RARB: variants seen among roughly 807,000 people sequenced by gnomAD.
The protein encoded by RARB is retinoic acid receptor beta.
In RARB, 17 loss-of-function variants were observed where a neutral mutation model predicts 51.9. The ratio of observed to expected loss-of-function variants is 0.33; its 90% CI spans 0.22 to 0.49. The LOEUF (loss-of-function observed/expected upper bound fraction) is 0.49. Among genes scored for constraint, RARB ranks in the 20% least tolerant of loss-of-function variants. RARB has a pLI of 0.99. For synonymous variants in RARB, 215 were observed against 195.4 expected (o/e 1.10, Z -0.84); for missense variants, 369 against 550.8 (o/e 0.67, Z 3.30).
intron 2 of RARB, among the ~76,000 whole-genome samples, chr3:25,484,339 G>A (rs776507598): frequency 1.2e-4 from 19 of 152,068 alleles, no homozygotes; most frequent in South Asian, 2.1e-4. Context: ...CATTTTTTCT[G>A]TAGTACATCA....
chr3:25,146,629 T>TC (rs1700198349), intron 4 of RARB, among the ~76,000 whole-genome samples: 1 of 150,774 alleles, frequency 6.6e-6, no homozygotes, highest in Admixed American at 6.7e-5. Context: ...TGCCTCAGCC[T>TC]CCCCAGTAGC....
chr3:25,379,183 G>A (rs995242768), intron 5 of RARB, among the ~76,000 whole-genome samples: 19 of 152,106 alleles, frequency 1.2e-4, no homozygotes, highest in Admixed American at 3.3e-4. Context: ...AGCATCACAC[G>A]TTGACAGGTA....
intron 3 of RARB, among the ~76,000 whole-genome samples, chr3:25,562,590 T>C (rs1242832788): frequency 6.6e-6 from 1 of 152,240 alleles, no homozygotes; most frequent in Admixed American, 6.5e-5. Flanking sequence ...CTACTCACTG[T>C]TGAGTTCCTA....
At chr3:24,975,942 C>A (rs1696502183) in intron 2 of RARB, among the ~76,000 whole-genome samples, 1 of 152,176 alleles carries the variant, frequency 6.6e-6, no homozygotes, top group South Asian at 2.1e-4. Flanking sequence ...ACAACAGGCC[C>A]CAGTGTGGGG....
chr3:25,379,901 T>G (rs1238409444), intron 5 of RARB, among the ~76,000 whole-genome samples: 1 of 152,100 alleles, frequency 6.6e-6, no homozygotes, highest in Non-Finnish European at 1.5e-5. Context: ...ATATAGCCCC[T>G]CAGATAACTT....
intron 5 of RARB, among the ~76,000 whole-genome samples, chr3:25,409,192 G>C (rs2125499521): frequency 6.6e-6 from 1 of 152,206 alleles, no homozygotes. Context: ...CTTAATACCA[G>C]AGAAAAATGT....
intron 4 of RARB, among the ~76,000 whole-genome samples, chr3:25,170,255 C>T (rs1160522138): frequency 6.6e-6 from 1 of 152,148 alleles, no homozygotes; most frequent in Non-Finnish European, 1.5e-5. Flanking sequence ...GAGAGTTTAG[C>T]AGTAGTGACA....
intron 5 of RARB, among the ~76,000 whole-genome samples, chr3:25,307,735 A>C (rs1340077277): frequency 1.3e-5 from 2 of 152,194 alleles, no homozygotes; most frequent in Non-Finnish European, 2.9e-5. Flanking sequence ...AGGACGAGGC[A>C]CACAGAGGGT....
chr3:25,036,291 T>C (rs574887576), intron 2 of RARB, among the ~76,000 whole-genome samples: 2 of 152,252 alleles, frequency 1.3e-5, no homozygotes, highest in African/African-American at 4.8e-5. Context: ...AGAGCTGTTA[T>C]GAAACTCTCA....
chr3:25,528,192 T>A (rs2125640051), intron 3 of RARB, among the ~76,000 whole-genome samples: 1 of 152,268 alleles, frequency 6.6e-6, no homozygotes, highest in Admixed American at 6.5e-5. Flanking sequence ...ACCATGGAGT[T>A]CAAGGAAGCT....
At chr3:25,305,684 G>A (rs891369216) in intron 5 of RARB, among the ~76,000 whole-genome samples, 17 of 152,152 alleles carry the variant, frequency 1.1e-4, no homozygotes, top group East Asian at 1.9e-4. Context: ...TGGTGTCCAC[G>A]ACACTCCTAC....
chr3:25,440,123 G>T (rs979387122), intron 1 of RARB, among the ~76,000 whole-genome samples: 51 of 152,176 alleles, frequency 3.4e-4, no homozygotes, highest in Non-Finnish European at 6.3e-4. Context: ...TCAGTAAATA[G>T]ATTGTTTTTA....
rs115054816 is a variant in RARB at position 24,939,695 on chromosome 3, A to G, written c.-380+80943A>G. 1.9e-3 allele frequency among the ~76,000 whole-genome samples: 295 copies of G among 152,316 alleles called. 1 individual carries two copies. The highest frequency in any genetic ancestry group is 6.1e-3 in the African/African-American group (255 of 41,568). On this transcript the variant is annotated intron_variant, in intron 2 of 11. Transcript: ENST00000383772. ...TGAGTTTTTAAATTTTAATTCCTCT[A>G]TGAAAACCATCACGCTGATGAGCAT...
rs781700211 is a variant in RARB at position 25,594,721 on chromosome 3, T to TGA, written c.1150+45_1150+46dup. ...CAGTACTGTAGTCACACAGTGGACTTGAGGGCCTTACCAGGTTGTGTTGCT... is the reference window on the plus strand; with the variant it reads ...CAGTACTGTAGTCACACAGTGGACTTGAGAGGGCCTTACCAGGTTGTGTTGCT... On this transcript the variant is annotated intron_variant, in intron 7 of 7. Transcript: ENST00000330688. 7.4e-6 allele frequency: 11 copies of TGA among 1,476,972 alleles called. No individual in the cohort carries two copies. The South Asian group carries it at 1.6e-4, about 22-fold the overall frequency. 91.5% of individuals were successfully genotyped at this position (1,476,972 alleles called of 1,614,324 possible).
chr3:25,161,066 G>A (rs891765735), intron 4 of RARB, among the ~76,000 whole-genome samples: 4 of 152,042 alleles, frequency 2.6e-5, no homozygotes, highest in Non-Finnish European at 5.9e-5. Flanking sequence ...AGGCTAGAGT[G>A]CAGTGGCCCA....
chr3:24,839,719 AGGGG>A (rs58994202), intron 1 of RARB, among the ~76,000 whole-genome samples: 2 of 41,366 alleles, frequency 4.8e-5, no homozygotes, highest in African/African-American at 6.6e-5. Flanking sequence ...AAAAAAAAAA[AGGGG>A]GGGGGGGTGG....
rs150241537 is a variant in RARB at position 25,104,113 on chromosome 3, A to G, written c.-327-28048A>G. Among the ~76,000 whole-genome samples, 490 of 152,324 alleles carry G rather than the reference A, an allele frequency of 3.2e-3. 1 individual carries two copies. Among genetic ancestry groups the G allele is most frequent in the African/African-American group, 0.011 (476 of 41,564 alleles). ...TATATTTATTTGAAAATATATCAAA[A>G]AGTGTCACTCTGTTCAATATCATCA... is the stretch of plus-strand genomic sequence containing the variant. On this transcript the variant is annotated intron_variant, in intron 3 of 11. Coordinates refer to the RARB transcript ENST00000383772.
intron 2 of RARB, among the ~76,000 whole-genome samples, chr3:25,470,351 GATGA>G (rs1330660460): frequency 6.6e-6 from 1 of 152,194 alleles, no homozygotes; most frequent in African/African-American, 2.4e-5. Flanking sequence ...TCATTGGATG[GATGA>G]ATGAATGAGC....
chr3:25,292,122 G>T (rs1261168752), intron 5 of RARB, among the ~76,000 whole-genome samples: 1 of 151,638 alleles, frequency 6.6e-6, no homozygotes, highest in African/African-American at 2.4e-5. Flanking sequence ...AGAATACCCT[G>T]CTTCAGGGGT....
Sources: allele counts gnomAD v4.1 joint callset (sites outside exome capture counted in the v4.1 genomes callset), GRCh38; gene constraint gnomAD v4.1.1; transcripts MANE v1.5; gene names NCBI Gene and HGNC (gene_info 2026-07-23, HGNC 2026-07-21).